The following HCRTR2 variants were observed in gnomAD, a reference collection of about 807,000 sequenced individuals.
HCRTR2 encodes orexin receptor type 2.
A neutral mutation model predicts 49.0 loss-of-function variants in HCRTR2; 22 were observed. The ratio of observed to expected loss-of-function variants is 0.45; its 90% confidence interval spans 0.32 to 0.64. The LOEUF (loss-of-function observed/expected upper bound fraction) is 0.64. HCRTR2 is among the 30% of genes least tolerant of loss of function. HCRTR2 has a pLI of 0.04. For synonymous variants in HCRTR2, 236 were observed against 205.3 expected, an observed-to-expected ratio of 1.15 and a Z score of -1.28; for missense variants, 491 against 559.4, an observed-to-expected ratio of 0.88 and a Z score of 1.23.
At chr6:55,197,999 A>G (rs947177123) in intron 1 of HCRTR2, among the ~76,000 whole-genome samples, 1 of 152,252 alleles carries the variant, frequency 6.6e-6, no homozygotes, top group South Asian at 2.1e-4. Context: ...CTGATTACTC[A>G]CTACAAAGGT....
intron 4 of HCRTR2, among the ~76,000 whole-genome samples, chr6:55,270,664 A>G (rs1393531526): frequency 6.6e-6 from 1 of 152,232 alleles, no homozygotes; most frequent in Non-Finnish European, 1.5e-5. Context: ...AAAATGTTAT[A>G]TAAATTTGTT....
chr6:55,136,164 C>T (rs1764430779), intron 1 of HCRTR2, among the ~76,000 whole-genome samples: 1 of 152,038 alleles, frequency 6.6e-6, no homozygotes, highest in Admixed American at 6.6e-5. Flanking sequence ...TTGTATTCCA[C>T]ATTGTGCTGA....
At chr6:55,163,565 C>A (rs183897972) in intron 1 of HCRTR2, among the ~76,000 whole-genome samples, 2 of 152,308 alleles carry the variant, frequency 1.3e-5, no homozygotes, top group Admixed American at 1.3e-4. Context: ...CGAAAACTGG[C>A]TAGCCATATG....
intron 1 of HCRTR2, among the ~76,000 whole-genome samples, chr6:55,139,254 G>A (rs1220813600): frequency 6.6e-6 from 1 of 152,132 alleles, no homozygotes; most frequent in African/African-American, 2.4e-5. Context: ...TGAGGTTTGG[G>A]AATAGGGGAA....
At chr6:55,211,168 G>A (rs866892181) in intron 1 of HCRTR2, among the ~76,000 whole-genome samples, 1 of 152,082 alleles carries the variant, frequency 6.6e-6, no homozygotes. Context: ...ACCCTATGAT[G>A]TTTGCACAAT....
chr6:55,135,920 C>T (rs1006022386), intron 1 of HCRTR2, among the ~76,000 whole-genome samples: 1 of 152,124 alleles, frequency 6.6e-6, no homozygotes, highest in Non-Finnish European at 1.5e-5. Context: ...ACCATATCCC[C>T]AGCATTTCTT....
At chr6:55,145,271 CAAAG>C (rs1281898215) in intron 1 of HCRTR2, among the ~76,000 whole-genome samples, 1 of 152,122 alleles carries the variant, frequency 6.6e-6, no homozygotes, top group Non-Finnish European at 1.5e-5. Flanking sequence ...CTTTACAAAA[CAAAG>C]AAAAACCAAA....
intron 4 of HCRTR2, among the ~76,000 whole-genome samples, chr6:55,267,404 G>GTTTT (rs200158940): frequency 2.2e-4 from 27 of 124,562 alleles, no homozygotes; most frequent in African/African-American, 5.7e-4. Context: ...CTCTCTCTCT[G>GTTTT]TTTTTTTTTT....
In HCRTR2 at chr6:55,188,130, A is replaced by G. The variant is rs147982385; in HGVS notation, c.223+13320A>G. 4.6e-3 allele frequency among the ~76,000 whole-genome samples: 702 copies of G among 152,308 alleles called. 2 individuals are homozygous for G. Among genetic ancestry groups the G allele is most frequent in the African/African-American group, 0.015 (644 of 41,562 alleles). ...ACTTCCATTCCTCCTTTGACAGTAC[A>G]GCTATGCTAGTCTGCGTAGCAAATT... On this transcript the variant is annotated intron_variant, in intron 1 of 6. Coordinates refer to ENST00000370862, the MANE Select transcript of HCRTR2 (RefSeq NM_001384272.1).
chr6:55,154,358 A>G (rs1341606411), intron 1 of HCRTR2, among the ~76,000 whole-genome samples: 3 of 151,872 alleles, frequency 2.0e-5, no homozygotes, highest in Admixed American at 6.6e-5. Context: ...TCATGTATAC[A>G]TATGCAAAAA....
chr6:55,242,122 G>A (rs62416801), intron 1 of HCRTR2, among the ~76,000 whole-genome samples: 36,846 of 151,394 alleles, frequency 0.24, 4,616 homozygotes, highest in Non-Finnish European at 0.28. Context: ...CACCCACCTC[G>A]GCCTCCCAAA....
chr6:55,215,979 T>G (rs1765779604), intron 1 of HCRTR2, among the ~76,000 whole-genome samples: 1 of 152,190 alleles, frequency 6.6e-6, no homozygotes, highest in African/African-American at 2.4e-5. Flanking sequence ...TTGAGGGGCC[T>G]TCTTATTGCA....
At chr6:55,116,187 T>C (rs1205978444) in intron 1 of HCRTR2, among the ~76,000 whole-genome samples, 1 of 151,730 alleles carries the variant, frequency 6.6e-6, no homozygotes, top group Non-Finnish European at 1.5e-5. Flanking sequence ...ATCTATGGTC[T>C]GAATGCAGAA....
At chr6:55,259,416 A>G (rs111558355) in intron 3 of HCRTR2, among the ~76,000 whole-genome samples, 176 of 152,224 alleles carry the variant, frequency 1.2e-3, no homozygotes, top group Non-Finnish European at 2.0e-3. Context: ...CTTTGAAAAG[A>G]CATTCCATGT....
chr6:55,199,077 A>G (rs149290234), intron 1 of HCRTR2, among the ~76,000 whole-genome samples: 374 of 152,314 alleles, frequency 2.5e-3, no homozygotes, highest in Non-Finnish European at 4.3e-3. Flanking sequence ...ACTAATATGA[A>G]GAGTGGGAGA....
chr6:55,227,183 C>T (rs1392221774), intron 1 of HCRTR2, among the ~76,000 whole-genome samples: 1 of 151,612 alleles, frequency 6.6e-6, no homozygotes, highest in East Asian at 1.9e-4. Context: ...ATTTAAGCAC[C>T]TAGCCAAAAT....
intron 1 of HCRTR2, among the ~76,000 whole-genome samples, chr6:55,175,881 T>C (rs775803628): frequency 5.3e-5 from 8 of 152,152 alleles, no homozygotes; most frequent in Non-Finnish European, 1.2e-4. Context: ...TGGGAGACTT[T>C]TCACATGCAG....
chr6:55,195,966 C>T (rs201276253), intron 1 of HCRTR2, among the ~76,000 whole-genome samples: 11 of 151,880 alleles, frequency 7.2e-5, no homozygotes, highest in East Asian at 3.9e-4. Flanking sequence ...AGCGAGACTT[C>T]GTCTCAATAA....
chr6:55,242,495 ATC>A (rs1766355454), intron 1 of HCRTR2, among the ~76,000 whole-genome samples: 4 of 152,222 alleles, frequency 2.6e-5, no homozygotes, highest in Non-Finnish European at 4.4e-5. Flanking sequence ...TTTTAATATA[ATC>A]AAAACTAAAT....
Sources: allele counts gnomAD v4.1 joint callset (sites outside exome capture counted in the v4.1 genomes callset), GRCh38; gene constraint gnomAD v4.1.1; transcripts MANE v1.5; gene names NCBI Gene and HGNC (gene_info 2026-07-23, HGNC 2026-07-21).